Variants in TACC2 observed in about 807,000 individuals in gnomAD.
TACC2 encodes the protein transforming acidic coiled-coil containing protein 2, also known as transforming acidic coiled-coil-containing protein 2.
Under a neutral mutation model 227.3 loss-of-function variants are expected in TACC2, and 137 were observed. The observed-to-expected ratio is 0.60, with a 90% CI of 0.52 to 0.69. The LOEUF is 0.69. Among genes scored for constraint, TACC2 ranks in the 30% least tolerant of loss-of-function variants. The pLI is 0.00. For missense variants in TACC2, 3,470 were observed against 3,694.4 expected, an observed-to-expected ratio of 0.94 and a Z score of 1.57; for synonymous variants, 1,523 against 1,487.5, an observed-to-expected ratio of 1.02 and a Z score of -0.55.
chr10:122,160,328 CTGTT>C (rs1284455697), intron 7 of TACC2, among the ~76,000 whole-genome samples: 2 of 152,134 alleles, frequency 1.3e-5, no homozygotes, highest in African/African-American at 4.8e-5. Context: ...CCCCCAGGGG[CTGTT>C]TGAGTTCAGG....
chr10:122,001,009 G>C (rs994734305), intron 1 of TACC2, among the ~76,000 whole-genome samples: 4 of 152,190 alleles, frequency 2.6e-5, no homozygotes, highest in Non-Finnish European at 5.9e-5. Context: ...TTTTAATAGA[G>C]ACATGGTTTC....
intron 3 of TACC2, among the ~76,000 whole-genome samples, chr10:122,064,025 G>A (rs11200374): frequency 6.6e-6 from 1 of 151,820 alleles, no homozygotes; most frequent in African/African-American, 2.4e-5. Flanking sequence ...AGCCGGGCGC[G>A]GTGGTGTATG....
chr10:122,083,699 G>T lies in TACC2; in HGVS notation c.1199G>T (p.Gly400Val). 1.9e-6 allele frequency: 3 copies of T among 1,613,400 alleles called. No homozygotes were observed. Among genetic ancestry groups the T allele is most frequent in the African/African-American group, 1.3e-5 (1 of 75,072 alleles). ...CVAAGGQPEG[G>V]LPVSPEPSLL... ...GCAGCAGGCGGCCAGCCCGAAGGGG[G>T]TTTGCCTGTGAGCCCTGAACCTTCC... Residue 400 changes from glycine to valine, a missense_variant, in exon 4 of 23, where the codon GGT becomes GTT. Transcript: ENST00000369005.
At chr10:122,176,172 T>A (rs59629150) in intron 7 of TACC2, among the ~76,000 whole-genome samples, 3,496 of 147,336 alleles carry the variant, frequency 0.024, 172 homozygotes, top group African/African-American at 0.084. Flanking sequence ...GTAGTCAAGT[T>A]GTAAGATAGA....
chr10:122,182,915 G>A (rs1435224475), intron 7 of TACC2, among the ~76,000 whole-genome samples: 1 of 152,182 alleles, frequency 6.6e-6, no homozygotes, highest in African/African-American at 2.4e-5. Context: ...TAGGAGCCAG[G>A]TCGGGCCTGG....
chr10:122,110,389 G>A (rs1490986733), intron 5 of TACC2, among the ~76,000 whole-genome samples: 1 of 152,234 alleles, frequency 6.6e-6, no homozygotes, highest in Non-Finnish European at 1.5e-5. Flanking sequence ...ATCCAGGCAA[G>A]ATTTCTGGTC....
In TACC2 at chr10:122,097,911, G is replaced by C. The variant is rs145244925; in HGVS notation, c.5573+9320G>C. On this transcript the variant is annotated intron_variant, in intron 5 of 22. Transcript: ENST00000369005. ...AGCTCAGCAGCCACCCAGCAAATGT[G>C]CACCCAAGCCAGGCACTTGGAAGGA... 3.8e-3 allele frequency among the ~76,000 whole-genome samples: 573 copies of C among 152,236 alleles called. 2 individuals carry two copies. Among genetic ancestry groups the C allele is most frequent in the African/African-American group, 0.013 (557 of 41,534 alleles).
intron 16 of TACC2, among the ~76,000 whole-genome samples, chr10:122,231,635 G>T (rs2095751915): frequency 6.6e-6 from 1 of 152,214 alleles, no homozygotes; most frequent in Middle Eastern, 3.2e-3. Context: ...GGAGCCACTT[G>T]ACAGTGATTC....
chr10:122,186,603 T>A (rs1344753381), intron 7 of TACC2, among the ~76,000 whole-genome samples: 2 of 146,818 alleles, frequency 1.4e-5, no homozygotes, highest in Non-Finnish European at 2.9e-5. Context: ...AACCTCTGCC[T>A]CTGGGTTTAA....
intron 7 of TACC2, among the ~76,000 whole-genome samples, chr10:122,160,555 CTTTT>C (rs1447170798): frequency 1.3e-5 from 2 of 151,782 alleles, no homozygotes; most frequent in African/African-American, 4.8e-5. Flanking sequence ...GGTCTCGTGT[CTTTT>C]TCTCTTTTTA....
intron 2 of TACC2, chr10:122,022,740 T>G (rs1029851765): frequency 1.3e-5 from 2 of 152,172 alleles, no homozygotes; most frequent in African/African-American, 4.8e-5. Context: ...AATCTATCAG[T>G]GTTGGGCAGA....
chr10:122,230,124 T>C (rs2095708783), intron 15 of TACC2, among the ~76,000 whole-genome samples: 1 of 152,270 alleles, frequency 6.6e-6, no homozygotes, highest in African/African-American at 2.4e-5. Context: ...CGTATTCAAC[T>C]GCACAATACT....
chr10:122,231,698 G>A (rs939687927), intron 16 of TACC2, among the ~76,000 whole-genome samples: 7 of 152,208 alleles, frequency 4.6e-5, no homozygotes, highest in African/African-American at 1.7e-4. Flanking sequence ...GCCCCTCGCT[G>A]GGTGTGGTGG....
chr10:122,152,999 C>CTTTCTTTTTTTTTTT lies in TACC2; in HGVS notation c.5834+9296_5834+9297insCTTTTTTTTTTTTTT, dbSNP rs71026005. 9.6e-4 allele frequency among the ~76,000 whole-genome samples: 129 copies of CTTTCTTTTTTTTTTT among 134,992 alleles called. 6 individuals carry two copies. The highest frequency in any genetic ancestry group is 1.6e-3 in the Non-Finnish European group (98 of 62,972). 88.6% of individuals were successfully genotyped at this position (134,992 alleles called of 152,430 possible). ...GCTTTTGATATATATTTCTTTCTTT[C>CTTTCTTTTTTTTTTT]TTTTTTTTTTGAGACGGAGTCTCAC... On this transcript the variant is annotated intron_variant, in intron 7 of 22. Coordinates refer to ENST00000369005, the MANE Select transcript of TACC2 (RefSeq NM_206862.4).
intron 3 of TACC2, among the ~76,000 whole-genome samples, chr10:122,059,724 A>G (rs1051518301): frequency 6.6e-6 from 1 of 152,220 alleles, no homozygotes; most frequent in Non-Finnish European, 1.5e-5. Context: ...CAAATAGAAC[A>G]GAGACACTTT....
At chr10:122,207,494 C>T (rs1443527581) in intron 8 of TACC2, among the ~76,000 whole-genome samples, 1 of 152,114 alleles carries the variant, frequency 6.6e-6, no homozygotes, top group Admixed American at 6.5e-5. Context: ...TTGGTTGTCA[C>T]AGCTGGGGTA....
chr10:122,021,905 C>A, intron 1 of TACC2, 32 bp from the exon 2 acceptor site: 1 of 1,359,356 alleles, frequency 7.4e-7, no homozygotes, highest in Non-Finnish European at 1.0e-6. Context: ...TTTTTCATTT[C>A]ACAGACGTTT....
At chr10:122,173,367 G>A (rs1164419188) in intron 7 of TACC2, among the ~76,000 whole-genome samples, 3 of 152,254 alleles carry the variant, frequency 2.0e-5, no homozygotes, top group Non-Finnish European at 2.9e-5. Flanking sequence ...CCCAGAGCCA[G>A]GCTGGGGTCT....
intron 11 of TACC2, among the ~76,000 whole-genome samples, chr10:122,222,619 A>C (rs924789356): frequency 6.6e-6 from 1 of 152,250 alleles, no homozygotes; most frequent in Non-Finnish European, 1.5e-5. Flanking sequence ...CAGAGAAGGC[A>C]GATGAGTGAG....
Sources: gnomAD v4.1 joint callset for allele counts (sites outside exome capture counted in the v4.1 genomes callset) on GRCh38, gnomAD v4.1.1 for gene constraint, MANE v1.5 for transcripts, NCBI Gene and HGNC (gene_info 2026-07-23, HGNC 2026-07-21) for gene names.